Variants in COL25A1 observed in about 807,000 individuals in gnomAD.
The protein encoded by COL25A1 is collagen type XXV alpha 1 chain.
A neutral mutation model predicts 128.4 loss-of-function variants in COL25A1; 103 were observed. That is an observed-to-expected ratio of 0.80 (90% CI 0.68 to 0.94). The LOEUF (loss-of-function observed/expected upper bound fraction) is 0.94, where lower values mean the gene tolerates loss of function less well. Ranked by LOEUF, COL25A1 falls within the 40% of genes least tolerant of loss-of-function variation. The pLI is 0.00. For missense variants in COL25A1, 745 were observed against 840.0 expected, an observed-to-expected ratio of 0.89 and a Z score of 1.40; for synonymous variants, 279 against 277.2, an observed-to-expected ratio of 1.01 and a Z score of -0.06.
chr4:109,006,638 C>G (rs924935519), intron 6 of COL25A1, among the ~76,000 whole-genome samples: 1 of 152,026 alleles, frequency 6.6e-6, no homozygotes, highest in East Asian at 1.9e-4. Context: ...TGCAAATTTA[C>G]TCAAAGAAAA....
chr4:109,245,153 C>T (rs1194772021), intron 3 of COL25A1, among the ~76,000 whole-genome samples: 2 of 152,136 alleles, frequency 1.3e-5, no homozygotes, highest in South Asian at 2.1e-4. Context: ...AAAGGAGGCC[C>T]TATTGATAAT....
intron 13 of COL25A1, among the ~76,000 whole-genome samples, chr4:108,905,537 A>ATAAAAT (rs2125873042): frequency 6.7e-6 from 1 of 149,838 alleles, no homozygotes; most frequent in African/African-American, 2.4e-5. Flanking sequence ...AAAAATAAAA[A>ATAAAAT]TAATAATAAT....
intron 6 of COL25A1, among the ~76,000 whole-genome samples, chr4:109,006,378 ATTTTTTTTTTT>A (rs56845799): frequency 1.7e-4 from 9 of 51,876 alleles, no homozygotes; most frequent in Admixed American, 3.7e-4. Context: ...CACCCAGCTA[ATTTTTTTTTTT>A]TTTTTTTTTT....
chr4:109,200,642 C>T (rs996256399), intron 3 of COL25A1, among the ~76,000 whole-genome samples: 5 of 151,920 alleles, frequency 3.3e-5, no homozygotes, highest in Admixed American at 6.6e-5. Flanking sequence ...AGTAGAGATG[C>T]GGTTTCGCCA....
chr4:108,832,454 G>A, intron 31 of COL25A1, 21 bp from the exon 32 acceptor site: 1 of 1,536,744 alleles, frequency 6.5e-7, no homozygotes, highest in African/African-American at 1.4e-5. Flanking sequence ...GATAATATGA[G>A]ATATATCACA....
At chr4:108,838,647 T>C (rs983448156) in intron 31 of COL25A1, among the ~76,000 whole-genome samples, 1 of 152,208 alleles carries the variant, frequency 6.6e-6, no homozygotes, top group Non-Finnish European at 1.5e-5. Flanking sequence ...ACTAAAAACG[T>C]AGCAGCTGAT....
At chr4:108,992,982 A>C (rs935096438) in intron 6 of COL25A1, among the ~76,000 whole-genome samples, 1 of 152,220 alleles carries the variant, frequency 6.6e-6, no homozygotes, top group African/African-American at 2.4e-5. Context: ...TTGTAGAATG[A>C]CCAAGTCTAG....
At chr4:108,864,503 T>G (rs1305385788) in intron 20 of COL25A1, among the ~76,000 whole-genome samples, 1 of 152,228 alleles carries the variant, frequency 6.6e-6, no homozygotes, top group Non-Finnish European at 1.5e-5. Flanking sequence ...TGTTCGGGTT[T>G]TACAGTTTTT....
At position 108,812,700 on chromosome 4, in the gene COL25A1, AT is replaced by A. The variant is rs1269887310; in HGVS notation, c.*1226del. 6.6e-6 allele frequency: 1 copy of A among 152,238 alleles called. No individual in the cohort carries two copies. The allele number at this position is 152,238 out of a possible 1,614,324, so 9.4% of individuals were successfully genotyped here. A position where few individuals can be genotyped will look rare whatever the true frequency, so the allele number is the denominator to read the frequency against. On this transcript the variant is annotated 3_prime_UTR_variant, in exon 38 of 38. Coordinates refer to ENST00000399132, the MANE Select transcript of COL25A1 (RefSeq NM_198721.4). ...AAAAAAGCATTAAAAAGAATGAAAA[AT>A]ACCTGTTTCTCAAACTTTGTAGGAA... is the stretch of plus-strand genomic sequence containing the variant.
intron 4 of COL25A1, 132 bp from the exon 5 acceptor site, chr4:109,048,307 A>G (rs1338662960): frequency 2.6e-6 from 2 of 782,660 alleles, no homozygotes; most frequent in Admixed American, 5.2e-5. Context: ...TTTTAAATTC[A>G]CTGATTCTTA....
chr4:108,890,036 A>G (rs1434510524), intron 16 of COL25A1, among the ~76,000 whole-genome samples: 1 of 152,228 alleles, frequency 6.6e-6, no homozygotes, highest in Non-Finnish European at 1.5e-5. Flanking sequence ...AATAAACATG[A>G]ATTTCTTCCC....
intron 11 of COL25A1, among the ~76,000 whole-genome samples, chr4:108,928,211 G>C (rs1311206595): frequency 6.6e-6 from 1 of 152,180 alleles, no homozygotes; most frequent in Admixed American, 6.5e-5. Context: ...AGCAGTGTAA[G>C]TGCTTTTCCT....
intron 3 of COL25A1, among the ~76,000 whole-genome samples, chr4:109,095,296 A>G (rs1242450250): frequency 6.6e-6 from 1 of 152,224 alleles, no homozygotes. Context: ...CACCAAAGAC[A>G]CTCAGCTTTT....
intron 5 of COL25A1, among the ~76,000 whole-genome samples, chr4:109,013,050 T>G (rs1756807950): frequency 6.6e-6 from 1 of 152,222 alleles, no homozygotes; most frequent in African/African-American, 2.4e-5. Context: ...ACTCTGTATC[T>G]AGCTAATCTG....
chr4:109,301,395 A>C (rs1578677880), intron 2 of COL25A1, among the ~76,000 whole-genome samples: 2 of 152,324 alleles, frequency 1.3e-5, no homozygotes, highest in Middle Eastern at 6.8e-3. Context: ...TCTGCAAGAA[A>C]TATTCTCTCC....
chr4:109,033,378 C>T (rs563053155), intron 5 of COL25A1, among the ~76,000 whole-genome samples: 1 of 152,306 alleles, frequency 6.6e-6, no homozygotes, highest in African/African-American at 2.4e-5. Context: ...CTTTAGCTTC[C>T]AGGTATCGTG....
chr4:108,929,774 T>C (rs1746513513), intron 11 of COL25A1, among the ~76,000 whole-genome samples: 1 of 152,074 alleles, frequency 6.6e-6, no homozygotes, highest in Non-Finnish European at 1.5e-5. Context: ...TGAGGTGAGC[T>C]GTGATCATGC....
chr4:108,841,429 G>T (rs550466374), intron 31 of COL25A1, among the ~76,000 whole-genome samples: 3 of 152,086 alleles, frequency 2.0e-5, no homozygotes. Flanking sequence ...TGGTTGACTT[G>T]AGTACATTAT....
chr4:108,977,563 T>C (rs1008950095), intron 6 of COL25A1, among the ~76,000 whole-genome samples: 1 of 152,184 alleles, frequency 6.6e-6, no homozygotes, highest in East Asian at 1.9e-4. Flanking sequence ...TGAGAGGATA[T>C]GACCAAATTT....
Sources: gnomAD v4.1 joint callset for allele counts (sites outside exome capture counted in the v4.1 genomes callset) on GRCh38, gnomAD v4.1.1 for gene constraint, MANE v1.5 for transcripts, NCBI Gene and HGNC (gene_info 2026-07-23, HGNC 2026-07-21) for gene names.